Variants in LIN9 observed in about 807,000 individuals in gnomAD.
The protein encoded by LIN9 is lin-9 DREAM MuvB core complex component.
In LIN9, 18 loss-of-function variants were observed where a neutral mutation model predicts 78.0. The ratio of observed to expected loss-of-function variants is 0.23; its 90% CI spans 0.16 to 0.34. LIN9 has a LOEUF of 0.34. Among genes scored for constraint, LIN9 ranks in the 10% least tolerant of loss-of-function variants. LIN9 has a pLI of 1.00. For missense variants in LIN9, 451 were observed against 644.1 expected (o/e 0.70, Z 3.25); for synonymous variants, 192 against 215.2 (o/e 0.89, Z 0.94).
At chr1:226,260,461 C>T (rs976009109) in intron 10 of LIN9, among the ~76,000 whole-genome samples, 1 of 151,940 alleles carries the variant, frequency 6.6e-6, no homozygotes, top group African/African-American at 2.4e-5. Flanking sequence ...CACTTGAACC[C>T]AGGAGTCTGC....
In LIN9 at chr1:226,250,828, G is replaced by T. The variant is rs368351079; in HGVS notation, c.1119+11C>A. ...ACAAGCAAATGAAGAAAAAAAAAGA[G>T]AAATTCTTACCAATTTTTCTGCTTC... On this transcript the variant is annotated intron_variant, in intron 11 of 14. Coordinates refer to ENST00000681046, the MANE Select transcript of LIN9 (RefSeq NM_001366245.2). 66 of 1,391,298 alleles carry T rather than the reference G, an allele frequency of 4.7e-5. No homozygotes were observed. Among genetic ancestry groups the T allele is most frequent in the Middle Eastern group, 1.8e-4 (1 of 5,632 alleles). 86.2% of individuals were successfully genotyped at this position (1,391,298 alleles called of 1,614,324 possible). A position where few individuals can be genotyped will look rare whatever the true frequency, so the allele number is the denominator to read the frequency against.
At chr1:226,235,867 T>C (rs1225244607) in intron 12 of LIN9, among the ~76,000 whole-genome samples, 2 of 152,268 alleles carry the variant, frequency 1.3e-5, no homozygotes, top group Non-Finnish European at 2.9e-5. Flanking sequence ...ATGTATCCTT[T>C]CTGCTTCCTT....
chr1:226,248,655 AAT>A (rs1333128901), intron 11 of LIN9, among the ~76,000 whole-genome samples: 1 of 152,216 alleles, frequency 6.6e-6, no homozygotes, highest in Non-Finnish European at 1.5e-5. Context: ...AAGATAAGCC[AAT>A]ATATCATAAT....
intron 7 of LIN9, among the ~76,000 whole-genome samples, chr1:226,270,169 G>A (rs1268891624): frequency 1.3e-5 from 2 of 151,888 alleles, no homozygotes; most frequent in Non-Finnish European, 1.5e-5. Flanking sequence ...CAGGTGATCC[G>A]CCCGCCTCAG....
At chr1:226,248,323 T>C (rs1485528015) in intron 11 of LIN9, among the ~76,000 whole-genome samples, 1 of 152,236 alleles carries the variant, frequency 6.6e-6, no homozygotes, top group Non-Finnish European at 1.5e-5. Flanking sequence ...CTTGTAGCTA[T>C]GGTTTCTGTT....
chr1:226,236,389 A>G lies in LIN9; in HGVS notation c.1245+2582T>C, dbSNP rs553984321. Among the ~76,000 whole-genome samples the G allele has an allele frequency of 7.2e-5, 11 of 151,970 alleles. No homozygotes were observed. In the South Asian group the frequency reaches 2.3e-3, roughly 32 times the overall value. ...ATCCTGACTTCTAGCATCAGAGGTTAGCTTTTGAGCTTTATAAAAATGTAA... is the reference window on the plus strand; with the variant it reads ...ATCCTGACTTCTAGCATCAGAGGTTGGCTTTTGAGCTTTATAAAAATGTAA... On this transcript the variant is annotated intron_variant, in intron 12 of 14. Coordinates refer to ENST00000681046, the MANE Select transcript of LIN9 (RefSeq NM_001366245.2).
At chr1:226,278,957 T>TAAA (rs398053860) in intron 6 of LIN9, among the ~76,000 whole-genome samples, 71 of 115,684 alleles carry the variant, frequency 6.1e-4, no homozygotes, top group African/African-American at 2.2e-3. Flanking sequence ...CCGTCTCTAC[T>TAAA]AAAAAAAAAA....
At chr1:226,243,999 C>T (rs1658297589) in intron 11 of LIN9, among the ~76,000 whole-genome samples, 1 of 151,188 alleles carries the variant, frequency 6.6e-6, no homozygotes, top group South Asian at 2.1e-4. Flanking sequence ...CTCAGCCTCC[C>T]GAATAGCTGG....
intron 12 of LIN9, among the ~76,000 whole-genome samples, chr1:226,236,066 A>G (rs1657684769): frequency 6.6e-6 from 1 of 152,132 alleles, no homozygotes; most frequent in Admixed American, 6.5e-5. Context: ...AATTGTGTGG[A>G]TGTACCATAA....
At chr1:226,243,290 T>C (rs1658233475) in intron 11 of LIN9, among the ~76,000 whole-genome samples, 3 of 152,234 alleles carry the variant, frequency 2.0e-5, no homozygotes, top group Admixed American at 2.0e-4. Context: ...ACCTATCAGA[T>C]TGCTAACAAT....
upstream of LIN9, chr1:226,309,696 C>T (rs569347602): frequency 1.1e-5 from 14 of 1,286,612 alleles, no homozygotes; most frequent in Admixed American, 9.3e-5. Context: ...GCCGCAGCAG[C>T]CCCCTGCGCG....
At chr1:226,254,007 C>T (rs1659026783) in intron 10 of LIN9, among the ~76,000 whole-genome samples, 1 of 152,216 alleles carries the variant, frequency 6.6e-6, no homozygotes, top group South Asian at 2.1e-4. Context: ...TCATGGCTCA[C>T]TGCAGCCTCA....
rs1657393874 is a variant in LIN9 at position 226,232,390 on chromosome 1, A to C, written c.*111T>G. On this transcript the variant is annotated 3_prime_UTR_variant, in exon 15 of 15. Coordinates refer to ENST00000681046, the MANE Select transcript of LIN9 (RefSeq NM_001366245.2). Reference sequence around the variant, plus strand: ...ATTAAAATGCCTTATTTGGAGATTTAAATTTCCCTTGTTTTCCAGCAGTTA... The same window carrying C: ...ATTAAAATGCCTTATTTGGAGATTTCAATTTCCCTTGTTTTCCAGCAGTTA... 1 of 631,898 alleles carries C rather than the reference A, an allele frequency of 1.6e-6. No homozygotes were observed. Among genetic ancestry groups the C allele is most frequent in the Non-Finnish European group, 2.7e-6 (1 of 372,652 alleles). The allele number at this position is 631,898 out of a possible 1,614,324, so 39.1% of individuals were successfully genotyped here.
upstream of LIN9, chr1:226,309,446 T>G: frequency 2.8e-6 from 3 of 1,078,884 alleles, no homozygotes; most frequent in Non-Finnish European, 3.4e-6. Flanking sequence ...CAGTACCAGC[T>G]CCGGAGTCCC....
chr1:226,297,365 T>C (rs1232154155), intron 3 of LIN9, among the ~76,000 whole-genome samples: 4 of 152,360 alleles, frequency 2.6e-5, no homozygotes, highest in Middle Eastern at 3.4e-3. Flanking sequence ...ATGATTTCTT[T>C]TTTTTTCTTT....
chr1:226,266,594 G>GA (rs1194535522), intron 8 of LIN9, among the ~76,000 whole-genome samples: 1 of 150,160 alleles, frequency 6.7e-6, no homozygotes, highest in Non-Finnish European at 1.5e-5. Context: ...AAAAAAAAAG[G>GA]GGGGGGGTCA....
chr1:226,298,298 T>C (rs1182471203), intron 2 of LIN9, among the ~76,000 whole-genome samples: 1 of 152,210 alleles, frequency 6.6e-6, no homozygotes, highest in Non-Finnish European at 1.5e-5. Context: ...AACCTCTGCC[T>C]CCCAGGTTAA....
intron 10 of LIN9, among the ~76,000 whole-genome samples, chr1:226,251,724 T>C (rs79347961): frequency 1.4e-3 from 217 of 152,334 alleles, no homozygotes; most frequent in African/African-American, 4.8e-3. Context: ...TAAAAATCCA[T>C]TGTAACTAGG....
At chr1:226,295,698 A>T (rs796410853) in intron 4 of LIN9, 144 bp downstream of exon 4, 17 of 536,170 alleles carry the variant, frequency 3.2e-5, no homozygotes, top group African/African-American at 2.7e-4. Context: ...AACATTTTCT[A>T]GGTAACTAAA....
Sources: allele counts gnomAD v4.1 joint callset (sites outside exome capture counted in the v4.1 genomes callset), GRCh38; gene constraint gnomAD v4.1.1; transcripts MANE v1.5; gene names NCBI Gene and HGNC (gene_info 2026-07-23, HGNC 2026-07-21).